The following STIM1 variants were observed in gnomAD, a reference collection of about 807,000 sequenced individuals.
The protein encoded by STIM1 is stromal interaction molecule 1.
STIM1 carries 25 observed loss-of-function variants against 74.7 expected under a neutral mutation model. That is an observed-to-expected ratio of 0.33 (90% confidence interval 0.24 to 0.47). The LOEUF is 0.47. Among genes scored for constraint, STIM1 ranks in the 20% least tolerant of loss-of-function variants. STIM1 has a pLI of 1.00. For missense variants in STIM1, 728 were observed against 920.8 expected (o/e 0.79, Z 2.71); for synonymous variants, 328 against 348.8 (o/e 0.94, Z 0.66).
intron 4 of STIM1, chr11:4,059,033 AT>A: frequency 1.1e-6 from 1 of 952,046 alleles, no homozygotes. Context: ...CAGACAGGTA[AT>A]CCTTAGAGGA....
intron 1 of STIM1, among the ~76,000 whole-genome samples, chr11:3,952,268 C>G (rs1377432072): frequency 6.6e-6 from 1 of 152,010 alleles, no homozygotes; most frequent in Non-Finnish European, 1.5e-5. Context: ...CAAAAATTAG[C>G]CGAGCACAGT....
rs201594755 is a variant in STIM1 at position 3,899,874 on chromosome 11, A to T, written c.139+43465A>T. Among the ~76,000 whole-genome samples, 67 of 151,918 alleles carry T rather than the reference A, an allele frequency of 4.4e-4. No individual in the cohort carries two copies. In the East Asian group the frequency reaches 0.012, roughly 28 times the overall value. On this transcript the variant is annotated intron_variant, in intron 1 of 12. Coordinates refer to ENST00000526596, the MANE Select transcript of STIM1 (RefSeq NM_001382567.1). ...GCATCCCAGGGATGAAGCCCACTTG[A>T]TCATGGTGGATAAGCTTTTTGATGT...
chr11:3,895,674 C>CTTTCTTTCTTT (rs1472870107), intron 1 of STIM1, among the ~76,000 whole-genome samples: 2 of 46,378 alleles, frequency 4.3e-5, no homozygotes, highest in Admixed American at 2.3e-4. Flanking sequence ...TTCTTTCTTT[C>CTTTCTTTCTTT]CTTCCTTCCT....
rs185389879 is a variant in STIM1, at chr11:3,885,777, G to A, written c.139+29368G>A. On this transcript the variant is annotated intron_variant, in intron 1 of 12. Coordinates refer to ENST00000526596, the MANE Select transcript of STIM1 (RefSeq NM_001382567.1). ...GTCAGCCTGCTGAGTAGCTGGGACT[G>A]CAGGCATGAGCAACCACACCTGGCT... 4.2e-3 allele frequency among the ~76,000 whole-genome samples: 639 copies of A among 152,260 alleles called. 4 individuals carry two copies. The highest frequency in any genetic ancestry group is 6.1e-3 in the Non-Finnish European group (412 of 68,008).
intron 2 of STIM1, chr11:3,989,431 C>G (rs1180067053): frequency 1.4e-6 from 1 of 725,296 alleles, no homozygotes; most frequent in Non-Finnish European, 2.6e-6. Context: ...CTTGGCGGCC[C>G]CTTCCGCGGA....
chr11:3,952,834 G>C (rs551787787), intron 1 of STIM1, among the ~76,000 whole-genome samples: 1 of 152,296 alleles, frequency 6.6e-6, no homozygotes, highest in South Asian at 2.1e-4. Flanking sequence ...AGAAACAAAA[G>C]GGCAGGCAAA....
intron 1 of STIM1, among the ~76,000 whole-genome samples, chr11:3,937,180 A>G (rs1016505477): frequency 6.6e-6 from 1 of 151,982 alleles, no homozygotes; most frequent in South Asian, 2.1e-4. Context: ...AGTCCTAGCT[A>G]CTTGGAAGGC....
chr11:3,904,196 C>CATAAAA (rs2092418481), intron 1 of STIM1, among the ~76,000 whole-genome samples: 1 of 73,876 alleles, frequency 1.4e-5, no homozygotes, highest in South Asian at 5.2e-4. Flanking sequence ...GACTCTGTCT[C>CATAAAA]AAAAAAAAAA....
At chr11:3,994,005 C>A (rs1197433277) in intron 2 of STIM1, among the ~76,000 whole-genome samples, 1 of 152,152 alleles carries the variant, frequency 6.6e-6, no homozygotes, top group African/African-American at 2.4e-5. Flanking sequence ...AAAGTACTAT[C>A]TGGGGGGGTC....
At chr11:4,042,039 C>G (rs1462928308) in intron 3 of STIM1, among the ~76,000 whole-genome samples, 4 of 152,324 alleles carry the variant, frequency 2.6e-5, no homozygotes, top group South Asian at 2.1e-4. Context: ...TTTGAAACCA[C>G]AAAAGTAGAT....
Position 4,038,277 on chromosome 11 carries a change from C to T in STIM1, c.385+14290C>T, listed in dbSNP as rs186945225. Among the ~76,000 whole-genome samples the T allele has an allele frequency of 1.9e-3, 296 of 152,162 alleles. 5 individuals carry two copies. Among genetic ancestry groups the T allele is most frequent in the African/African-American group, 6.7e-3 (279 of 41,512 alleles). On this transcript the variant is annotated intron_variant, in intron 3 of 12. Coordinates refer to ENST00000526596, the MANE Select transcript of STIM1 (RefSeq NM_001382567.1). ...CTCGAACTCCTGACTTCAGGTGATC[C>T]GCCTACCTCGGCTTCCCAAAGTACT...
intron 5 of STIM1, among the ~76,000 whole-genome samples, chr11:4,068,953 A>G (rs1003924118): frequency 6.6e-6 from 1 of 151,852 alleles, no homozygotes; most frequent in Non-Finnish European, 1.5e-5. Context: ...TGCCAGTCCT[A>G]CCTCCTTCTC....
intron 1 of STIM1, among the ~76,000 whole-genome samples, chr11:3,954,228 G>C (rs927846965): frequency 6.6e-6 from 1 of 152,022 alleles, no homozygotes; most frequent in Non-Finnish European, 1.5e-5. Flanking sequence ...CTTGCCCCTT[G>C]CCATATTTTA....
chr11:3,901,587 G>A (rs2092349532), intron 1 of STIM1, among the ~76,000 whole-genome samples: 1 of 152,124 alleles, frequency 6.6e-6, no homozygotes, highest in African/African-American at 2.4e-5. Flanking sequence ...GTTTAACATA[G>A]ATTACATCTT....
intron 1 of STIM1, among the ~76,000 whole-genome samples, chr11:3,877,638 T>C (rs1267202724): frequency 2.6e-5 from 4 of 152,226 alleles, no homozygotes; most frequent in Non-Finnish European, 5.9e-5. Context: ...AATCAGGTAT[T>C]TATAAGTTGA....
chr11:3,933,913 A>G (rs1590578998), intron 1 of STIM1, among the ~76,000 whole-genome samples: 1 of 152,176 alleles, frequency 6.6e-6, no homozygotes, highest in Non-Finnish European at 1.5e-5. Context: ...TGAGTGGTGG[A>G]AAGAGCCTCC....
At chr11:4,051,453 C>T (rs1237643382) in intron 3 of STIM1, among the ~76,000 whole-genome samples, 1 of 151,762 alleles carries the variant, frequency 6.6e-6, no homozygotes, top group Non-Finnish European at 1.5e-5. Context: ...AGCGATTTTC[C>T]TGCCTCAGCC....
At chr11:3,982,492 C>T (rs1019872832) in intron 2 of STIM1, among the ~76,000 whole-genome samples, 1 of 152,188 alleles carries the variant, frequency 6.6e-6, no homozygotes, top group Non-Finnish European at 1.5e-5. Flanking sequence ...TTCTTTAACT[C>T]GTACTACCAT....
intron 12 of STIM1, 85 bp downstream of exon 12, chr11:4,086,628 C>T (rs1347650872): frequency 6.3e-7 from 1 of 1,586,718 alleles, no homozygotes; most frequent in Non-Finnish European, 8.6e-7. Context: ...GACAGTCTTT[C>T]AGTTCTGAAG....
Sources: allele counts gnomAD v4.1 joint callset (sites outside exome capture counted in the v4.1 genomes callset), GRCh38; gene constraint gnomAD v4.1.1; transcripts MANE v1.5; gene names NCBI Gene and HGNC (gene_info 2026-07-23, HGNC 2026-07-21).